The following HTR7 variants were observed in gnomAD, a reference collection of about 807,000 sequenced individuals.
The protein encoded by HTR7 is 5-HT-7.
A neutral mutation model predicts 34.0 loss-of-function variants in HTR7; 16 were observed. The ratio of observed to expected loss-of-function variants is 0.47; its 90% CI spans 0.32 to 0.71. The LOEUF (loss-of-function observed/expected upper bound fraction) is 0.71, where lower values mean the gene tolerates loss of function less well. Ranked by LOEUF, HTR7 falls within the 30% of genes least tolerant of loss-of-function variation. HTR7 has a pLI of 0.04. For synonymous variants in HTR7, 265 were observed against 260.2 expected (o/e 1.02, Z -0.18); for missense variants, 504 against 625.5 (o/e 0.81, Z 2.07).
intron 1 of HTR7, among the ~76,000 whole-genome samples, chr10:90,828,767 T>TA (rs942843899): frequency 2.6e-5 from 4 of 151,992 alleles, no homozygotes; most frequent in Non-Finnish European, 5.9e-5. Context: ...AAAACATTTT[T>TA]AAAAAAATCA....
At chr10:90,776,503 C>T (rs867684732) in intron 1 of HTR7, among the ~76,000 whole-genome samples, 83 of 152,098 alleles carry the variant, frequency 5.5e-4, no homozygotes, top group African/African-American at 9.9e-4. Flanking sequence ...AGACAAGATG[C>T]GAAGCTTCTA....
chr10:90,857,420 G>A lies in HTR7; in HGVS notation c.252C>T (p.Ile84=), dbSNP rs554640114. ...INYGRVEKVV[I]GSILTLITLL... ...GCGTGATGAGCGTCAGGATGGAGCC[G>A]ATCACAACTTTCTCGACTCTGCCGT... Residue 84 remains isoleucine (I), a synonymous_variant, in exon 1 of 4, where the codon ATC becomes ATT. Transcript: ENST00000336152. The surrounding 1 kb of genome is among the most constrained non-coding windows in gnomAD (Gnocchi z 6.5). The A allele has an allele frequency of 1.2e-6, 2 of 1,614,048 alleles. No individual in the cohort carries two copies. The highest frequency in any genetic ancestry group is 1.7e-6 in the Non-Finnish European group (2 of 1,180,018).
At chr10:90,780,453 C>G (rs1019686393) in intron 1 of HTR7, among the ~76,000 whole-genome samples, 6 of 150,174 alleles carry the variant, frequency 4.0e-5, no homozygotes, top group Non-Finnish European at 8.8e-5. Flanking sequence ...AGGAGAATTG[C>G]TTGAACCCAG....
chr10:90,843,800 A>G (rs1401597902), intron 1 of HTR7, among the ~76,000 whole-genome samples: 2 of 152,238 alleles, frequency 1.3e-5, no homozygotes, highest in Non-Finnish European at 2.9e-5. Context: ...AAGCTCCAGT[A>G]AGACCAAATC....
At chr10:90,773,012 C>A (rs367738895) in intron 1 of HTR7, among the ~76,000 whole-genome samples, 75 of 152,330 alleles carry the variant, frequency 4.9e-4, no homozygotes, top group African/African-American at 1.8e-3. Context: ...AATACACACA[C>A]ACATAATCAT....
chr10:90,850,268 G>A (rs1393704698), intron 1 of HTR7, among the ~76,000 whole-genome samples: 1 of 152,258 alleles, frequency 6.6e-6, no homozygotes, highest in African/African-American at 2.4e-5. Flanking sequence ...GAACTAGCCA[G>A]GGGTGGAAGT....
At chr10:90,807,422 C>T (rs1845721455) in intron 1 of HTR7, among the ~76,000 whole-genome samples, 1 of 152,114 alleles carries the variant, frequency 6.6e-6, no homozygotes, top group Non-Finnish European at 1.5e-5. Context: ...GATGACATTC[C>T]ACCACAAAAG....
chr10:90,835,714 A>C (rs1171755745), intron 1 of HTR7, among the ~76,000 whole-genome samples: 1 of 152,192 alleles, frequency 6.6e-6, no homozygotes. Flanking sequence ...AGGGACCCAG[A>C]AATATAAACA....
intron 1 of HTR7, among the ~76,000 whole-genome samples, chr10:90,817,835 G>A (rs890390897): frequency 6.6e-6 from 1 of 152,154 alleles, no homozygotes; most frequent in African/African-American, 2.4e-5. Context: ...TCTTTCAACT[G>A]TTGAAAGAAT....
rs370749709 is a variant in HTR7, at chr10:90,808,232, G to A, written c.539+48901C>T. The stretch of plus-strand genomic sequence containing the variant: ...AAGTACCCCAACCCCTTCTCTCTGT[G>A]TCTCTACCCCGTCTCCACCTTTCTG... On this transcript the variant is annotated intron_variant, in intron 1 of 3. Transcript: ENST00000336152. Among the ~76,000 whole-genome samples, 4 of 151,816 alleles carry A rather than the reference G, an allele frequency of 2.6e-5. No individual in the cohort carries two copies. The East Asian group carries it at 7.7e-4, about 29-fold the overall frequency.
rs977947388 is a variant in HTR7 at position 90,811,428 on chromosome 10, G to A, written c.539+45705C>T. ...CCTTCATCTCTCTGATCCACCTGAC[G>A]TTCACCCCATTTCCCCACATTTCCT... On this transcript the variant is annotated intron_variant, in intron 1 of 3. Transcript: ENST00000336152. 3.3e-5 allele frequency among the ~76,000 whole-genome samples: 5 copies of A among 151,800 alleles called. No individual in the cohort carries two copies. The East Asian group carries it at 5.8e-4, about 18-fold the overall frequency.
chr10:90,818,823 T>C (rs1845936070), intron 1 of HTR7, among the ~76,000 whole-genome samples: 2 of 152,212 alleles, frequency 1.3e-5, no homozygotes, highest in South Asian at 4.1e-4. Flanking sequence ...TGGTGGAAGG[T>C]AACTGGATCA....
At chr10:90,759,145 C>A (rs1171851485) in intron 1 of HTR7, among the ~76,000 whole-genome samples, 1 of 149,942 alleles carries the variant, frequency 6.7e-6, no homozygotes, top group Non-Finnish European at 1.5e-5. Flanking sequence ...CGAGATCGTG[C>A]CATTGCACTC....
intron 1 of HTR7, among the ~76,000 whole-genome samples, chr10:90,775,810 C>T (rs1845197429): frequency 6.6e-6 from 1 of 152,188 alleles, no homozygotes; most frequent in Admixed American, 6.5e-5. Context: ...TGACTTTCTT[C>T]TGTATCTCTG....
chr10:90,790,429 T>C (rs906016121), intron 1 of HTR7, among the ~76,000 whole-genome samples: 5 of 152,212 alleles, frequency 3.3e-5, no homozygotes, highest in African/African-American at 1.2e-4. Flanking sequence ...TTCAGACCTG[T>C]ATATGTCTAT....
At chr10:90,844,452 G>A (rs924009617) in intron 1 of HTR7, among the ~76,000 whole-genome samples, 5 of 151,932 alleles carry the variant, frequency 3.3e-5, no homozygotes, top group Admixed American at 6.6e-5. Context: ...CTGGCCGGGC[G>A]CAGTGGCTTA....
chr10:90,802,450 C>T (rs1168503923), intron 1 of HTR7, among the ~76,000 whole-genome samples: 2 of 152,242 alleles, frequency 1.3e-5, no homozygotes, highest in African/African-American at 4.8e-5. Flanking sequence ...TCCTCTATGC[C>T]CTCTCCAGGA....
chr10:90,844,075 C>A (rs530943502), intron 1 of HTR7, among the ~76,000 whole-genome samples: 2 of 152,224 alleles, frequency 1.3e-5, no homozygotes, highest in Non-Finnish European at 2.9e-5. Context: ...AAAATATTTA[C>A]TGTCTATACC....
At chr10:90,779,118 C>G (rs950522912) in intron 1 of HTR7, among the ~76,000 whole-genome samples, 14 of 152,194 alleles carry the variant, frequency 9.2e-5, no homozygotes, top group Admixed American at 1.3e-4. Flanking sequence ...AAACATGCCA[C>G]TTCATAGTGT....
Sources: allele counts gnomAD v4.1 joint callset (sites outside exome capture counted in the v4.1 genomes callset), GRCh38; gene constraint gnomAD v4.1.1; non-coding constraint Gnocchi (gnomAD v3.1); transcripts MANE v1.5; gene names NCBI Gene and HGNC (gene_info 2026-07-23, HGNC 2026-07-21).